DAB1: variants seen among roughly 807,000 people sequenced by gnomAD.
DAB1 encodes the protein disabled homolog 1.
Under a neutral mutation model 64.6 loss-of-function variants are expected in DAB1, and 15 were observed. That is an observed-to-expected ratio of 0.23 (90% CI 0.16 to 0.36). The LOEUF (loss-of-function observed/expected upper bound fraction) is 0.36. DAB1 is among the 10% of genes least tolerant of loss of function. The probability of loss-of-function intolerance (pLI) is 1.00; values close to 1 mark genes in which losing one functional copy is unlikely to be tolerated. For missense variants in DAB1, 596 were observed against 706.7 expected (o/e 0.84, Z 1.78); for synonymous variants, 235 against 251.9 (o/e 0.93, Z 0.64).
intron 2 of DAB1, among the ~76,000 whole-genome samples, chr1:57,160,422 G>T (rs1218636015): frequency 6.6e-6 from 1 of 152,132 alleles, no homozygotes; most frequent in Non-Finnish European, 1.5e-5. Flanking sequence ...AAAAAGAAAG[G>T]CATGTAAAGA....
At chr1:58,422,207 G>C (rs773053068) in intron 3 of DAB1, among the ~76,000 whole-genome samples, 19 of 151,728 alleles carry the variant, frequency 1.3e-4, no homozygotes, top group Middle Eastern at 3.2e-3. Context: ...ATAATATCAC[G>C]CCTAACTTAC....
chr1:58,447,800 G>A (rs1414349955), intron 3 of DAB1, among the ~76,000 whole-genome samples: 6 of 150,904 alleles, frequency 4.0e-5, no homozygotes, highest in African/African-American at 9.8e-5. Flanking sequence ...TTCTAATGCC[G>A]TATATCAGAA....
At chr1:57,270,084 AG>A (rs1356532880) in intron 2 of DAB1, among the ~76,000 whole-genome samples, 3 of 152,204 alleles carry the variant, frequency 2.0e-5, no homozygotes, top group Non-Finnish European at 2.9e-5. Flanking sequence ...TGCCCACAAA[AG>A]CTTCTGCCAC....
intron 5 of DAB1, among the ~76,000 whole-genome samples, chr1:57,893,706 G>C (rs542215111): frequency 9.9e-5 from 15 of 152,226 alleles, no homozygotes; most frequent in African/African-American, 3.1e-4. Flanking sequence ...GGCAGGAAAG[G>C]CTCCCGCCAC....
chr1:57,767,153 C>CA (rs1315134291), intron 6 of DAB1, among the ~76,000 whole-genome samples: 1 of 151,916 alleles, frequency 6.6e-6, no homozygotes, highest in African/African-American at 2.4e-5. Flanking sequence ...TTCCTACCTC[C>CA]ACAGAGGTGG....
intron 7 of DAB1, among the ~76,000 whole-genome samples, chr1:57,636,054 G>A (rs114992674): frequency 0.012 from 1,537 of 132,826 alleles, 23 homozygotes; most frequent in African/African-American, 0.039. Flanking sequence ...CCAAGATAGC[G>A]CCACAGCAGT....
chr1:58,399,739 C>A (rs1644554410), intron 3 of DAB1, among the ~76,000 whole-genome samples: 1 of 152,204 alleles, frequency 6.6e-6, no homozygotes, highest in African/African-American at 2.4e-5. Context: ...ATGCCCAACA[C>A]TTTAATCCTA....
rs1656786583 is a variant in DAB1 at position 57,122,868 on chromosome 1, T to C, written c.306+13675A>G. On this transcript the variant is annotated intron_variant, in intron 4 of 14. Transcript: ENST00000371236. ...AATAATGCACATCATCAAGGAGAAT[T>C]TTATAAAGTGCCAAGAACTTTAATG... is the stretch of plus-strand genomic sequence containing the variant. Among the ~76,000 whole-genome samples the C allele has an allele frequency of 2.6e-5, 4 of 152,108 alleles. No individual in the cohort carries two copies. In the South Asian group the frequency reaches 8.3e-4, roughly 32 times the overall value.
intron 9 of DAB1, among the ~76,000 whole-genome samples, chr1:57,036,032 G>T (rs1362565562): frequency 6.6e-6 from 1 of 151,600 alleles, no homozygotes; most frequent in Non-Finnish European, 1.5e-5. Flanking sequence ...TAGTAGAGAC[G>T]GGGTTTTGCC....
chr1:57,525,126 C>A (rs1644576005), intron 7 of DAB1, among the ~76,000 whole-genome samples: 1 of 152,082 alleles, frequency 6.6e-6, no homozygotes, highest in Admixed American at 6.6e-5. Context: ...AATCATAGAG[C>A]AATAAGTTAG....
intron 7 of DAB1, among the ~76,000 whole-genome samples, chr1:57,507,630 T>C (rs971950319): frequency 2.0e-5 from 3 of 152,174 alleles, no homozygotes; most frequent in Admixed American, 2.0e-4. Flanking sequence ...CTCTGACAAG[T>C]AGAGGTCTGC....
chr1:58,029,652 AACTG>A (rs1237978641), intron 5 of DAB1, among the ~76,000 whole-genome samples: 1 of 152,228 alleles, frequency 6.6e-6, no homozygotes, highest in Non-Finnish European at 1.5e-5. Flanking sequence ...CACAGACTTT[AACTG>A]ACTAATGACA....
intron 6 of DAB1, among the ~76,000 whole-genome samples, chr1:57,722,285 G>C (rs1004918973): frequency 6.6e-6 from 1 of 152,126 alleles, no homozygotes; most frequent in African/African-American, 2.4e-5. Flanking sequence ...TTAGAATATA[G>C]AGTCATATGC....
intron 3 of DAB1, among the ~76,000 whole-genome samples, chr1:58,362,948 G>C (rs1433309149): frequency 6.6e-6 from 1 of 152,210 alleles, no homozygotes; most frequent in Non-Finnish European, 1.5e-5. Flanking sequence ...GAGAATCCAA[G>C]ATCAAGGTCC....
At chr1:58,054,191 G>T (rs1647905546) in intron 5 of DAB1, among the ~76,000 whole-genome samples, 1 of 152,238 alleles carries the variant, frequency 6.6e-6, no homozygotes, top group African/African-American at 2.4e-5. Context: ...GCTTCTGTCT[G>T]AATAATTAGC....
chr1:57,777,717 T>A (rs1649878483), intron 6 of DAB1, among the ~76,000 whole-genome samples: 1 of 152,090 alleles, frequency 6.6e-6, no homozygotes. Context: ...TTAAAGTTCT[T>A]GTTTACTAAG....
chr1:57,088,928 A>G (rs1653359016), intron 4 of DAB1, among the ~76,000 whole-genome samples: 1 of 152,168 alleles, frequency 6.6e-6, no homozygotes, highest in African/African-American at 2.4e-5. Flanking sequence ...CTGGCATGTG[A>G]GGCAGTCTGG....
chr1:57,235,048 C>T (rs1667991692), intron 2 of DAB1, among the ~76,000 whole-genome samples: 1 of 152,120 alleles, frequency 6.6e-6, no homozygotes, highest in South Asian at 2.1e-4. Flanking sequence ...TAAACTTTGC[C>T]CTGTAACATA....
intron 5 of DAB1, chr1:58,049,024 G>C: frequency 1.3e-6 from 1 of 790,834 alleles, no homozygotes; most frequent in Non-Finnish European, 2.2e-6. Context: ...CTTCTCTTGA[G>C]ACAGCTCTCT....
Sources: gnomAD v4.1 joint callset for allele counts (sites outside exome capture counted in the v4.1 genomes callset) on GRCh38, gnomAD v4.1.1 for gene constraint, MANE v1.5 for transcripts, NCBI Gene and HGNC (gene_info 2026-07-23, HGNC 2026-07-21) for gene names.